OR51B5: variants seen among roughly 807,000 people sequenced by gnomAD.
OR51B5 encodes the protein olfactory receptor family 51 subfamily B member 5.
For synonymous variants in OR51B5, 186 were observed against 144.8 expected, an observed-to-expected ratio of 1.28 and a Z score of -2.04; for missense variants, 456 against 374.6, an observed-to-expected ratio of 1.22 and a Z score of -1.79.
intron 1 of OR51B5, chr11:5,392,972 G>A (rs1271102660): frequency 1.3e-5 from 2 of 152,148 alleles, no homozygotes; most frequent in Non-Finnish European, 2.9e-5. Context: ...GGTAAAAGAG[G>A]TATTTTCACA....
intron 1 of OR51B5, among the ~76,000 whole-genome samples, chr11:5,385,198 C>A (rs1849667990): frequency 6.6e-6 from 1 of 152,134 alleles, no homozygotes. Context: ...TGAGTGGACT[C>A]CTCCATTGCT....
upstream of OR51B5, among the ~76,000 whole-genome samples, chr11:5,348,263 G>A (rs1032519146): frequency 6.6e-5 from 10 of 152,208 alleles, no homozygotes; most frequent in African/African-American, 2.4e-4. Context: ...ACAAACCAGA[G>A]CATGGGTGTT....
intron 1 of OR51B5, among the ~76,000 whole-genome samples, chr11:5,415,249 C>A (rs961374098): frequency 2.7e-5 from 4 of 150,256 alleles, no homozygotes. Context: ...CACAACATAC[C>A]AGAATCTCTG....
chr11:5,390,091 A>G (rs766867190), intron 1 of OR51B5: 1 of 1,613,528 alleles, frequency 6.2e-7, no homozygotes, highest in Non-Finnish European at 8.5e-7. Flanking sequence ...TGTCCTATGG[A>G]CTCATCCTGC....
chr11:5,388,031 C>T (rs565228967), intron 1 of OR51B5, among the ~76,000 whole-genome samples: 1 of 152,050 alleles, frequency 6.6e-6, no homozygotes, highest in Non-Finnish European at 1.5e-5. Flanking sequence ...TTGCACCAAC[C>T]TAATAGAATT....
At chr11:5,422,465 T>C in intron 1 of OR51B5, 2 of 1,614,170 alleles carry the variant, frequency 1.2e-6, no homozygotes, top group Non-Finnish European at 1.7e-6. Context: ...GCTTCTCTGG[T>C]TCAACGTTCG....
At chr11:5,389,186 T>C (rs1488554165) in intron 1 of OR51B5, among the ~76,000 whole-genome samples, 2 of 152,032 alleles carry the variant, frequency 1.3e-5, no homozygotes, top group Non-Finnish European at 2.9e-5. Flanking sequence ...AGAGAGGAAC[T>C]GAAATAATTG....
chr11:5,435,227 C>T (rs970463215), intron 1 of OR51B5, among the ~76,000 whole-genome samples: 1 of 152,180 alleles, frequency 6.6e-6, no homozygotes, highest in African/African-American at 2.4e-5. Context: ...GAGTTTATCG[C>T]ATCCCTAAAC....
At chr11:5,424,075 A>G (rs1399100014) in intron 1 of OR51B5, among the ~76,000 whole-genome samples, 1 of 152,214 alleles carries the variant, frequency 6.6e-6, no homozygotes, top group Admixed American at 6.5e-5. Context: ...AAACTTTCCC[A>G]GCAATATCGG....
At chr11:5,415,164 C>T (rs1850220591) in intron 1 of OR51B5, among the ~76,000 whole-genome samples, 1 of 152,020 alleles carries the variant, frequency 6.6e-6, no homozygotes, top group Admixed American at 6.6e-5. Flanking sequence ...ACAACCTGCT[C>T]CTGAATGACT....
chr11:5,351,629 G>GCA, intron 1 of OR51B5: 1 of 1,614,000 alleles, frequency 6.2e-7, no homozygotes, highest in Non-Finnish European at 8.5e-7. Flanking sequence ...CTTGGCAATG[G>GCA]CACTCTTCTC....
chr11:5,477,328 T>C (rs1386392676), intron 1 of OR51B5, among the ~76,000 whole-genome samples: 2 of 152,148 alleles, frequency 1.3e-5, no homozygotes, highest in Non-Finnish European at 2.9e-5. Context: ...AGAGGTGCAC[T>C]TGGAGAGCAC....
chr11:5,412,681 G>T (rs549426204), intron 1 of OR51B5, among the ~76,000 whole-genome samples: 1 of 152,098 alleles, frequency 6.6e-6, no homozygotes, highest in African/African-American at 2.4e-5. Flanking sequence ...ACGGAGTCTC[G>T]CTGATTCCTA....
At chr11:5,469,579 A>G (rs908012644) in intron 1 of OR51B5, among the ~76,000 whole-genome samples, 1 of 151,492 alleles carries the variant, frequency 6.6e-6, no homozygotes, top group Non-Finnish European at 1.5e-5. Context: ...AAAAAAAACC[A>G]GATTACATTT....
chr11:5,341,612 T>C (rs1027407998), downstream of OR51B5, among the ~76,000 whole-genome samples: 1 of 152,228 alleles, frequency 6.6e-6, no homozygotes, highest in Non-Finnish European at 1.5e-5. Context: ...CAAATGAGAA[T>C]GACATTGTTG....
chr11:5,487,077 TA>T (rs1851509003), intron 1 of OR51B5, among the ~76,000 whole-genome samples: 1 of 152,084 alleles, frequency 6.6e-6, no homozygotes, highest in African/African-American at 2.4e-5. Context: ...TAATGGACAG[TA>T]GGGTGAGGCA....
chr11:5,367,550 G>A (rs1286209897), intron 1 of OR51B5, among the ~76,000 whole-genome samples: 1 of 152,142 alleles, frequency 6.6e-6, no homozygotes, highest in African/African-American at 2.4e-5. Flanking sequence ...GACTACCAGA[G>A]GTCACTCTCA....
chr11:5,396,310 T>C (rs1028013567), intron 1 of OR51B5, among the ~76,000 whole-genome samples: 5 of 152,194 alleles, frequency 3.3e-5, no homozygotes, highest in Admixed American at 6.5e-5. Flanking sequence ...TGATTGCATA[T>C]CTAGAAAACC....
intron 1 of OR51B5, chr11:5,352,041 A>G: frequency 6.2e-7 from 1 of 1,614,002 alleles, no homozygotes; most frequent in Non-Finnish European, 8.5e-7. Flanking sequence ...CTTTCTGTCT[A>G]CACCAAGATG....
Sources: allele counts gnomAD v4.1 joint callset (sites outside exome capture counted in the v4.1 genomes callset), GRCh38; gene constraint gnomAD v4.1.1; transcripts MANE v1.5; gene names NCBI Gene and HGNC (gene_info 2026-07-23, HGNC 2026-07-21).